Variants in GPAM observed in about 807,000 individuals in gnomAD.
GPAM encodes the protein glycerol-3-phosphate acyltransferase 1, mitochondrial.
In GPAM, 56 loss-of-function variants were observed where a neutral mutation model predicts 105.0. The observed-to-expected ratio is 0.53, with a 90% CI of 0.43 to 0.67. The LOEUF (loss-of-function observed/expected upper bound fraction) is 0.67, where lower values mean the gene tolerates loss of function less well. Ranked by LOEUF, GPAM falls within the 30% of genes least tolerant of loss-of-function variation. GPAM has a pLI of 0.00. For synonymous variants in GPAM, 368 were observed against 354.4 expected (o/e 1.04, Z -0.43); for missense variants, 855 against 989.8 (o/e 0.86, Z 1.83).
chr10:112,170,986 A>G lies in GPAM; in HGVS notation c.794+1196T>C, dbSNP rs562970514. Among the ~76,000 whole-genome samples the G allele has an allele frequency of 4.6e-5, 7 of 152,324 alleles. No individual in the cohort carries two copies. The South Asian group carries it at 1.0e-3, about 23-fold the overall frequency. ...CCTTAGACTGTGATACTGAGGACAC[A>G]GCACACAAAGGTGACGAAGGCCATC... On this transcript the variant is annotated intron_variant, in intron 9 of 21. Transcript: ENST00000348367.
At chr10:112,200,242 T>TAGAGAGAG (rs549343147) in intron 1 of GPAM, among the ~76,000 whole-genome samples, 17 of 126,986 alleles carry the variant, frequency 1.3e-4, no homozygotes, top group African/African-American at 5.2e-4. Context: ...TATATATATA[T>TAGAGAGAG]ATAGAGAGAG....
In GPAM at chr10:112,180,454, TA is replaced by T; in HGVS notation, c.225+18del. The T allele has an allele frequency of 6.2e-7, 1 of 1,612,630 alleles. No homozygotes were observed. The highest frequency in any genetic ancestry group is 8.5e-7 in the Non-Finnish European group (1 of 1,178,662). ...ATTTTATGCTGAGTATTAGGGTCAA[TA>T]AGCAGTAAGGTTCTTACCCAGCTCT... is the stretch of plus-strand genomic sequence containing the variant. On this transcript the variant is annotated intron_variant, in intron 4 of 21. Transcript: ENST00000348367.
chr10:112,208,194 G>C (rs138931570), intron 1 of GPAM, among the ~76,000 whole-genome samples: 1 of 152,144 alleles, frequency 6.6e-6, no homozygotes, highest in African/African-American at 2.4e-5. Context: ...CCCAAGATTC[G>C]GCTACCATAA....
At chr10:112,160,163 G>C in intron 16 of GPAM, 110 bp from the exon 17 acceptor site, 1 of 1,109,492 alleles carries the variant, frequency 9.0e-7, no homozygotes, top group South Asian at 1.3e-5. Flanking sequence ...ATAATGGCCT[G>C]TATTTGGAGA....
intron 1 of GPAM, among the ~76,000 whole-genome samples, chr10:112,200,923 T>C (rs577913972): frequency 1.3e-5 from 2 of 152,320 alleles, no homozygotes; most frequent in East Asian, 3.9e-4. Flanking sequence ...AACTGTTCAA[T>C]GAATCAGACA....
rs901020789 is a variant in GPAM at position 112,180,434 on chromosome 10, A to T, written c.225+39T>A. 2.5e-6 allele frequency: 4 copies of T among 1,604,328 alleles called. No homozygotes were observed. In the African/African-American group the frequency reaches 5.4e-5, roughly 21 times the overall value. Reference sequence around the variant, plus strand: ...ACTACAAAGTTGGAAATAATATTTTATGCTGAGTATTAGGGTCAATAAGCA... The same window carrying T: ...ACTACAAAGTTGGAAATAATATTTTTTGCTGAGTATTAGGGTCAATAAGCA... On this transcript the variant is annotated intron_variant, in intron 4 of 21. Coordinates refer to ENST00000348367, the MANE Select transcript of GPAM (RefSeq NM_001244949.2).
At chr10:112,221,460 C>A in the GPAM span, among the ~76,000 whole-genome samples, 6 of 152,110 alleles carry the variant, frequency 3.9e-5, no homozygotes, top group Admixed American at 6.5e-5. Flanking sequence ...CTAGGCACCA[C>A]CCCAGAAGCC....
At chr10:112,161,234 T>G (rs1000644994) in intron 15 of GPAM, among the ~76,000 whole-genome samples, 1 of 152,206 alleles carries the variant, frequency 6.6e-6, no homozygotes, top group East Asian at 1.9e-4. Context: ...CCTATATATA[T>G]TGGCACTGTT....
intron 1 of GPAM, among the ~76,000 whole-genome samples, chr10:112,193,104 T>C (rs1847681550): frequency 6.6e-6 from 1 of 152,152 alleles, no homozygotes; most frequent in Non-Finnish European, 1.5e-5. Flanking sequence ...AGCTTGCTAG[T>C]GAGACTTTAA....
At chr10:112,215,894 G>A (rs1847962145), upstream of GPAM, among the ~76,000 whole-genome samples, 1 of 152,146 alleles carries the variant, frequency 6.6e-6, no homozygotes, top group Non-Finnish European at 1.5e-5. Context: ...CATGACTTTG[G>A]TCTTCTCTAT....
Position 112,151,672 on chromosome 10 carries a change from C to T in GPAM, c.*1878G>A, listed in dbSNP as rs1160015015. 4.1e-6 allele frequency: 4 copies of T among 985,024 alleles called. No individual in the cohort carries two copies. The African/African-American group carries it at 5.2e-5, about 13-fold the overall frequency. The allele number at this position is 985,024 out of a possible 1,614,324, so 61.0% of individuals were successfully genotyped here. On this transcript the variant is annotated 3_prime_UTR_variant, in exon 22 of 22. Transcript: ENST00000348367. ...AGCAATGACAGGCAGGGCAGAGTGTCGACTGGGAAGCGAGTCCCAATCTTG... is the reference window on the plus strand; with the variant it reads ...AGCAATGACAGGCAGGGCAGAGTGTTGACTGGGAAGCGAGTCCCAATCTTG...
chr10:112,211,452 T>C (rs376764671), intron 1 of GPAM, among the ~76,000 whole-genome samples: 12 of 152,304 alleles, frequency 7.9e-5, no homozygotes, highest in African/African-American at 2.6e-4. Context: ...GCGGCAAGTA[T>C]TGAGAACTTC....
chr10:112,161,532 T>C lies in GPAM; in HGVS notation c.1494+135A>G. 4.2e-6 allele frequency: 3 copies of C among 714,676 alleles called. No individual in the cohort carries two copies. The South Asian group carries it at 4.5e-5, about 11-fold the overall frequency. The allele number at this position is 714,676 out of a possible 1,614,324, so 44.3% of individuals were successfully genotyped here. ...AGTTGATAAGCTCCTTTGGGCAGGG[T>C]CCTCAGCTTATTTTACTGTTTACCT... On this transcript the variant is annotated intron_variant, in intron 15 of 21. Transcript: ENST00000348367.
Position 112,151,399 on chromosome 10 carries a change from T to C in GPAM, c.*2151A>G. 1.0e-6 allele frequency: 1 copy of C among 985,810 alleles called. No individual in the cohort carries two copies. Among genetic ancestry groups the C allele is most frequent in the Non-Finnish European group, 1.2e-6 (1 of 829,888 alleles). 61.1% of individuals were successfully genotyped at this position (985,810 alleles called of 1,614,324 possible). On this transcript the variant is annotated 3_prime_UTR_variant, in exon 22 of 22. Transcript: ENST00000348367. Reference sequence around the variant, plus strand: ...TGAAATTAACTCAAAGGTCAGCTTGTCTGGATGAGCATAACTTTGGTTGAG... The same window carrying C: ...TGAAATTAACTCAAAGGTCAGCTTGCCTGGATGAGCATAACTTTGGTTGAG...
intron 1 of GPAM, among the ~76,000 whole-genome samples, chr10:112,193,374 T>C (rs1447011207): frequency 6.6e-6 from 1 of 152,138 alleles, no homozygotes; most frequent in African/African-American, 2.4e-5. Flanking sequence ...ACCATGACTT[T>C]TATCCTCTCT....
chr10:112,197,044 C>T (rs1471408226), intron 1 of GPAM, among the ~76,000 whole-genome samples: 3 of 152,112 alleles, frequency 2.0e-5, no homozygotes, highest in African/African-American at 7.2e-5. Context: ...TTAAATAAAT[C>T]AAGATCAATA....
upstream of GPAM, among the ~76,000 whole-genome samples, chr10:112,218,862 C>A (rs1339742628): frequency 6.6e-6 from 1 of 152,168 alleles, no homozygotes; most frequent in African/African-American, 2.4e-5. Flanking sequence ...CATGCTAATG[C>A]ATTATAATTA....
At chr10:112,153,792 G>C in intron 21 of GPAM, 126 bp from the exon 22 acceptor site, 1 of 1,063,788 alleles carries the variant, frequency 9.4e-7, no homozygotes, top group African/African-American at 1.6e-5. Context: ...CCATATCCTG[G>C]CATTAAGTAA....
At chr10:112,174,470 T>A (rs575650756) in intron 6 of GPAM, among the ~76,000 whole-genome samples, 113 of 152,342 alleles carry the variant, frequency 7.4e-4, no homozygotes, top group African/African-American at 2.5e-3. Flanking sequence ...CCAGCTGACT[T>A]AGGGGAGAAA....
Sources: gnomAD v4.1 joint callset for allele counts (sites outside exome capture counted in the v4.1 genomes callset) on GRCh38, gnomAD v4.1.1 for gene constraint, MANE v1.5 for transcripts, NCBI Gene and HGNC (gene_info 2026-07-23, HGNC 2026-07-21) for gene names.